ANKRD30B: variants seen among roughly 807,000 people sequenced by gnomAD.
ANKRD30B encodes ankyrin repeat domain-containing protein 30B.
Under a neutral mutation model 202.2 loss-of-function variants are expected in ANKRD30B, and 144 were observed. The ratio of observed to expected loss-of-function variants is 0.71; its 90% confidence interval spans 0.62 to 0.82. The LOEUF is 0.82. ANKRD30B is among the 40% of genes least tolerant of loss of function. The pLI is 0.00. For missense variants in ANKRD30B, 1,487 were observed against 1,669.1 expected (o/e 0.89, Z 1.90); for synonymous variants, 508 against 561.3 (o/e 0.91, Z 1.34).
At chr18:14,860,487 C>G in the ANKRD30B span, among the ~76,000 whole-genome samples, 1 of 142,618 alleles carries the variant, frequency 7.0e-6, no homozygotes. Flanking sequence ...GCACTCCTCA[C>G]CTCCCAGATG....
chr18:14,922,667 A>AAAAAAG, the ANKRD30B span, among the ~76,000 whole-genome samples: 7 of 151,382 alleles, frequency 4.6e-5, no homozygotes, highest in Non-Finnish European at 8.8e-5. Context: ...AAAAAAAAAA[A>AAAAAAG]AAAAGAAAAG....
chr18:14,800,579 C>T (rs1375962230), intron 22 of ANKRD30B, among the ~76,000 whole-genome samples: 2 of 150,894 alleles, frequency 1.3e-5, no homozygotes, highest in East Asian at 3.9e-4. Flanking sequence ...CCACCTCGGC[C>T]TCCTAAAGTG....
At chr18:14,836,840 G>T (rs9797408) in intron 34 of ANKRD30B, among the ~76,000 whole-genome samples, 83,390 of 150,934 alleles carry the variant, frequency 0.55, 23,419 homozygotes, top group African/African-American at 0.65. Context: ...GACTCTGCAC[G>T]TTGTCTGTCC....
the ANKRD30B span, chr18:14,889,859 G>C: frequency 3.6e-5 from 15 of 419,206 alleles, no homozygotes; most frequent in African/African-American, 3.1e-4. Flanking sequence ...TGAGTATAAA[G>C]TGTTTTAATA....
the ANKRD30B span, among the ~76,000 whole-genome samples, chr18:14,860,419 ATGGGGCAGC>A: frequency 1.2e-4 from 13 of 109,852 alleles, no homozygotes; most frequent in South Asian, 3.4e-4. Context: ...CACCTCCCAG[ATGGGGCAGC>A]CGGGAAGAGG....
chr18:14,915,880 C>A, the ANKRD30B span, among the ~76,000 whole-genome samples: 2 of 152,000 alleles, frequency 1.3e-5, no homozygotes, highest in Non-Finnish European at 2.9e-5. Context: ...AAAAATTATT[C>A]GAATAAAAAA....
At chr18:14,940,134 G>A in the ANKRD30B span, among the ~76,000 whole-genome samples, 1 of 152,174 alleles carries the variant, frequency 6.6e-6, no homozygotes, top group South Asian at 2.1e-4. Context: ...ATCTCACCCA[G>A]GGTGAGGTCC....
At position 14,752,850 on chromosome 18, in the gene ANKRD30B, C is replaced by T. The variant is rs199597228; in HGVS notation, c.348C>T (p.Cys116=). The T allele has an allele frequency of 2.7e-4, 427 of 1,608,706 alleles. 3 individuals carry two copies. The Middle Eastern group carries it at 0.012, about 45-fold the overall frequency. The change falls in exon 3 of 44, where the codon TGC becomes TGT. Residue 116 remains cysteine, a synonymous_variant. Coordinates refer to ENST00000690538, the MANE Select transcript of ANKRD30B (RefSeq NM_001367607.2). ...GRTPLMKALQ[C]EREACANILI... is the part of the protein sequence containing the mutation. ...TTTAATACTGACAGGCTCTACAATG[C>T]GAGAGGGAGGCTTGTGCAAATATTC...
At chr18:14,818,824 G>T (rs1337609943) in intron 30 of ANKRD30B, among the ~76,000 whole-genome samples, 1 of 151,800 alleles carries the variant, frequency 6.6e-6, no homozygotes, top group Non-Finnish European at 1.5e-5. Flanking sequence ...ATAAACATAC[G>T]TGTGCATGTG....
At chr18:14,837,508 T>C in intron 35 of ANKRD30B, 107 bp from the exon 36 acceptor site, 1 of 1,009,102 alleles carries the variant, frequency 9.9e-7, no homozygotes, top group Non-Finnish European at 1.4e-6. Context: ...TTTTTGCTAT[T>C]ATTTTTATTT....
the ANKRD30B span, among the ~76,000 whole-genome samples, chr18:14,903,074 G>A: frequency 1.3e-5 from 2 of 152,148 alleles, no homozygotes; most frequent in African/African-American, 2.4e-5. Flanking sequence ...TCCTTCTGGA[G>A]GCTCTTGGGG....
chr18:14,832,920 A>G (rs942545734), intron 34 of ANKRD30B, among the ~76,000 whole-genome samples: 11 of 152,220 alleles, frequency 7.2e-5, no homozygotes, highest in South Asian at 4.1e-4. Flanking sequence ...TTTTAGTCTC[A>G]ACTCATGTTT....
chr18:14,876,424 A>G, the ANKRD30B span, among the ~76,000 whole-genome samples: 1 of 152,206 alleles, frequency 6.6e-6, no homozygotes, highest in African/African-American at 2.4e-5. Context: ...AGTGCCTGGG[A>G]GTGGCTAGAA....
chr18:14,865,316 C>T, the ANKRD30B span, among the ~76,000 whole-genome samples: 1 of 151,396 alleles, frequency 6.6e-6, no homozygotes, highest in African/African-American at 2.4e-5. Flanking sequence ...ACCTTCTCTC[C>T]CTCCTGCTTG....
At chr18:14,753,740 A>C (rs1290507402) in intron 3 of ANKRD30B, among the ~76,000 whole-genome samples, 1 of 152,098 alleles carries the variant, frequency 6.6e-6, no homozygotes, top group Admixed American at 6.6e-5. Context: ...AATGCCTTTA[A>C]GCCTTTTTAG....
chr18:14,765,394 C>T (rs925619830), intron 7 of ANKRD30B, among the ~76,000 whole-genome samples: 2 of 150,904 alleles, frequency 1.3e-5, no homozygotes, highest in African/African-American at 2.4e-5. Flanking sequence ...ACCCAGGAGG[C>T]GGAGGCTACA....
intron 30 of ANKRD30B, among the ~76,000 whole-genome samples, chr18:14,817,854 T>C (rs141048517): frequency 3.9e-5 from 6 of 152,304 alleles, no homozygotes; most frequent in African/African-American, 1.4e-4. Context: ...GTGTGTTGAA[T>C]ACAATTTTAA....
the ANKRD30B span, among the ~76,000 whole-genome samples, chr18:14,925,933 G>A: frequency 6.6e-6 from 1 of 152,204 alleles, no homozygotes; most frequent in African/African-American, 2.4e-5. Flanking sequence ...GGGGGCGTTT[G>A]CACCCACCTG....
At chr18:14,847,977 T>A (rs142212150) in intron 39 of ANKRD30B, among the ~76,000 whole-genome samples, 7 of 152,220 alleles carry the variant, frequency 4.6e-5, no homozygotes, top group Middle Eastern at 6.8e-3. Flanking sequence ...TATCTCTGTC[T>A]CCTCTTCAGT....
Sources: gnomAD v4.1 joint callset for allele counts (sites outside exome capture counted in the v4.1 genomes callset) on GRCh38, gnomAD v4.1.1 for gene constraint, MANE v1.5 for transcripts, NCBI Gene and HGNC (gene_info 2026-07-23, HGNC 2026-07-21) for gene names.